Variants in NDUFS4 observed in about 807,000 individuals in gnomAD.
The protein encoded by NDUFS4 is NADH:ubiquinone oxidoreductase subunit S4.
Under a neutral mutation model 24.3 loss-of-function variants are expected in NDUFS4, and 28 were observed. That is an observed-to-expected ratio of 1.15 (90% CI 0.85 to 1.58). The LOEUF (loss-of-function observed/expected upper bound fraction) is 1.58. Among genes scored for constraint, NDUFS4 ranks in the 40% most tolerant of loss-of-function variants. NDUFS4 has a pLI of 0.00. For missense variants in NDUFS4, 223 were observed against 207.9 expected, an observed-to-expected ratio of 1.07 and a Z score of -0.45; for synonymous variants, 93 against 69.7, an observed-to-expected ratio of 1.34 and a Z score of -1.67.
chr5:53,644,627 C>T (rs1198413515), intron 2 of NDUFS4, among the ~76,000 whole-genome samples: 1 of 151,874 alleles, frequency 6.6e-6, no homozygotes, highest in Non-Finnish European at 1.5e-5. Context: ...TTAGAAATTA[C>T]CAATTAAAGT....
intron 1 of NDUFS4, among the ~76,000 whole-genome samples, chr5:53,563,170 A>G (rs1161586206): frequency 6.7e-6 from 1 of 149,814 alleles, no homozygotes; most frequent in African/African-American, 2.5e-5. Flanking sequence ...CAGAGCTTGC[A>G]GTGAGTCAAG....
chr5:53,590,935 A>G (rs1184574079), intron 1 of NDUFS4, among the ~76,000 whole-genome samples: 2 of 152,102 alleles, frequency 1.3e-5, no homozygotes, highest in African/African-American at 4.8e-5. Flanking sequence ...GTAATTCTCT[A>G]TTCTTCTCTC....
chr5:53,576,941 C>G (rs530135129), intron 1 of NDUFS4, among the ~76,000 whole-genome samples: 7 of 152,220 alleles, frequency 4.6e-5, no homozygotes, highest in African/African-American at 1.4e-4. Flanking sequence ...GCTCTTGGAA[C>G]ATCTGTTTTG....
intron 1 of NDUFS4, among the ~76,000 whole-genome samples, chr5:53,594,872 T>TAG (rs1750084814): frequency 1.3e-5 from 2 of 148,426 alleles, no homozygotes; most frequent in African/African-American, 5.0e-5. Flanking sequence ...ATGTCTGTGT[T>TAG]TGTGTGTGTG....
intron 1 of NDUFS4, among the ~76,000 whole-genome samples, chr5:53,563,123 G>C (rs931509909): frequency 1.3e-5 from 2 of 152,010 alleles, no homozygotes; most frequent in Non-Finnish European, 2.9e-5. Context: ...CAGCTACTCA[G>C]GAGGCTGAGG....
chr5:53,571,054 C>T (rs1749195393), intron 1 of NDUFS4, among the ~76,000 whole-genome samples: 1 of 151,972 alleles, frequency 6.6e-6, no homozygotes, highest in African/African-American at 2.4e-5. Context: ...TTTGGAATGG[C>T]TTTATTTAGC....
intron 4 of NDUFS4, among the ~76,000 whole-genome samples, chr5:53,666,292 T>A (rs2112532730): frequency 6.6e-6 from 1 of 152,336 alleles, no homozygotes; most frequent in Non-Finnish European, 1.5e-5. Context: ...CCCTGGTTAG[T>A]CTTTCTCTAA....
chr5:53,648,452 G>T (rs945683122), intron 3 of NDUFS4, among the ~76,000 whole-genome samples: 1 of 152,094 alleles, frequency 6.6e-6, no homozygotes, highest in South Asian at 2.1e-4. Context: ...TGCTCTAATG[G>T]GTTGTATATT....
intron 1 of NDUFS4, among the ~76,000 whole-genome samples, chr5:53,574,078 C>T (rs1749309069): frequency 6.6e-6 from 1 of 152,150 alleles, no homozygotes. Context: ...TTGTTTCTTC[C>T]TTTCCAATCA....
chr5:53,578,414 G>C (rs1217553359), intron 1 of NDUFS4, among the ~76,000 whole-genome samples: 2 of 152,108 alleles, frequency 1.3e-5, no homozygotes, highest in African/African-American at 4.8e-5. Flanking sequence ...GAAATTTTCT[G>C]TTGGCTCACG....
At chr5:53,674,532 G>A (rs902426853) in intron 4 of NDUFS4, among the ~76,000 whole-genome samples, 6 of 151,854 alleles carry the variant, frequency 4.0e-5, no homozygotes, top group African/African-American at 1.5e-4. Context: ...GAGATCTAGG[G>A]TTCACAACTA....
intron 2 of NDUFS4, among the ~76,000 whole-genome samples, chr5:53,644,017 A>T (rs1446814634): frequency 6.6e-6 from 1 of 152,178 alleles, no homozygotes; most frequent in Admixed American, 6.6e-5. Context: ...GACACTTTTT[A>T]AAAAAGGTTT....
intron 2 of NDUFS4, among the ~76,000 whole-genome samples, chr5:53,641,927 A>AAGTTTCTAT: frequency 6.6e-6 from 1 of 152,164 alleles, no homozygotes; most frequent in Non-Finnish European, 1.5e-5. Flanking sequence ...GCGGTAGAAC[A>AAGTTTCTAT]AGTTTCTATA....
intron 2 of NDUFS4, among the ~76,000 whole-genome samples, chr5:53,608,887 A>G (rs1750612043): frequency 6.6e-6 from 1 of 152,246 alleles, no homozygotes; most frequent in African/African-American, 2.4e-5. Flanking sequence ...AAAGCACTTT[A>G]CAACTCCATC....
At chr5:53,611,420 A>G (rs1398861497) in intron 2 of NDUFS4, among the ~76,000 whole-genome samples, 1 of 152,062 alleles carries the variant, frequency 6.6e-6, no homozygotes, top group Non-Finnish European at 1.5e-5. Flanking sequence ...AATAAAGAAT[A>G]TGGCCTCAGA....
chr5:53,588,857 T>A (rs1039973401), intron 1 of NDUFS4, among the ~76,000 whole-genome samples: 12 of 152,166 alleles, frequency 7.9e-5, no homozygotes, highest in Non-Finnish European at 1.5e-4. Flanking sequence ...ATATATTTTT[T>A]ATACAAATGT....
chr5:53,583,090 G>A (rs1330212555), intron 1 of NDUFS4, among the ~76,000 whole-genome samples: 1 of 152,074 alleles, frequency 6.6e-6, no homozygotes, highest in Admixed American at 6.6e-5. Flanking sequence ...TGTTAGCCAG[G>A]ATGGTCTCGA....
chr5:53,670,731 T>C (rs1004665720), intron 4 of NDUFS4, among the ~76,000 whole-genome samples: 7 of 151,340 alleles, frequency 4.6e-5, no homozygotes, highest in African/African-American at 1.7e-4. Context: ...ATAATACTTA[T>C]TAAGAAATAC....
At chr5:53,584,982 G>A (rs1268557998) in intron 1 of NDUFS4, among the ~76,000 whole-genome samples, 1 of 152,072 alleles carries the variant, frequency 6.6e-6, no homozygotes, top group African/African-American at 2.4e-5. Context: ...TGGCCAGGCT[G>A]GTCTCAGACT....
Sources: allele counts gnomAD v4.1 joint callset (sites outside exome capture counted in the v4.1 genomes callset), GRCh38; gene constraint gnomAD v4.1.1; transcripts MANE v1.5; gene names NCBI Gene and HGNC (gene_info 2026-07-23, HGNC 2026-07-21).